The following BSN variants were observed in gnomAD, a reference collection of about 807,000 sequenced individuals.
The protein encoded by BSN is protein bassoon.
BSN carries 57 observed loss-of-function variants against 264.8 expected under a neutral mutation model. The ratio of observed to expected loss-of-function variants is 0.22; its 90% CI spans 0.17 to 0.27. The LOEUF is 0.27. Among genes scored for constraint, BSN ranks in the 10% least tolerant of loss-of-function variants. The probability of loss-of-function intolerance (pLI) is 1.00; values close to 1 mark genes in which losing one functional copy is unlikely to be tolerated. For synonymous variants in BSN, 2,059 were observed against 2,137.3 expected, an observed-to-expected ratio of 0.96 and a Z score of 1.01; for missense variants, 4,615 against 5,232.5, an observed-to-expected ratio of 0.88 and a Z score of 3.64.
At chr3:49,626,489 C>T (rs2052341980) in intron 2 of BSN, among the ~76,000 whole-genome samples, 2 of 152,138 alleles carry the variant, frequency 1.3e-5, no homozygotes, top group African/African-American at 4.8e-5. Context: ...GGAGATGACT[C>T]AGTGCCTTTG....
Position 49,655,075 on chromosome 3 carries a change from A to C in BSN, c.5519A>C (p.Glu1840Ala). 1 of 1,612,970 alleles carries C rather than the reference A, an allele frequency of 6.2e-7. No individual in the cohort carries two copies. The highest frequency in any genetic ancestry group is 8.5e-7 in the Non-Finnish European group (1 of 1,180,022). Residue 1840 changes from glutamate (E) to alanine (A), a missense_variant, in exon 5 of 12, where the codon GAG becomes GCG. Around this residue, in one of 3 missense-constraint regions of BSN, gnomAD observed 3,415 missense variants for 3,866.4 expected, o/e 0.88. Coordinates refer to ENST00000296452, the MANE Select transcript of BSN (RefSeq NM_003458.4). ...KPGPVPEPGA[E>A]PHRATPAELR... ...GGCCCAGTGCCAGAGCCAGGTGCCG[A>C]GCCCCACCGGGCCACCCCTGCAGAG... is the stretch of plus-strand genomic sequence containing the variant.
chr3:49,652,486 G>T lies in BSN; in HGVS notation c.2930G>T (p.Gly977Val), dbSNP rs775807587. The T allele has an allele frequency of 3.1e-6, 5 of 1,613,710 alleles. No individual in the cohort carries two copies. Among genetic ancestry groups the T allele is most frequent in the Admixed American group, 1.7e-5 (1 of 60,016 alleles). Residue 977 changes from glycine to valine, a missense_variant, in exon 5 of 12, where the codon GGT becomes GTT. Physicochemically the swap from Gly to Val is moderately radical, Grantham distance 109. Transcript: ENST00000296452. ...GGCTCCCCTGAGGACCGCTCCCGTG[G>T]TGAGCACTCCTCTACATTGCCTGCC... Reference protein sequence around the residue: ...LTGSPEDRSRGEHSSTLPAST... With the variant: ...LTGSPEDRSRVEHSSTLPAST...
Position 49,662,092 on chromosome 3 carries a change from T to C in BSN, c.10247T>C (p.Val3416Ala). Residue 3416 changes from valine (V) to alanine (A), a missense_variant, in exon 6 of 12, where the codon GTG becomes GCG. Around this residue, in one of 3 missense-constraint regions of BSN, gnomAD observed 3,415 missense variants for 3,866.4 expected, o/e 0.88. Transcript: ENST00000296452. The part of the protein sequence containing the change: ...DEITYGLKKN[V>A]YEQQKYYGMS... Reference sequence around the variant, plus strand: ...ATCACCTATGGGCTCAAGAAGAACGTGTATGAGCAGCAAAAATACTATGGG... The same window carrying C: ...ATCACCTATGGGCTCAAGAAGAACGCGTATGAGCAGCAAAAATACTATGGG... 1 of 1,613,468 alleles carries C rather than the reference T, an allele frequency of 6.2e-7. No individual in the cohort carries two copies. Among genetic ancestry groups the C allele is most frequent in the Non-Finnish European group, 8.5e-7 (1 of 1,180,030 alleles).
rs547338350 is a variant in BSN at position 49,662,389 on chromosome 3, G to A, written c.10544G>A (p.Arg3515His). 4.2e-5 allele frequency: 68 copies of A among 1,613,494 alleles called. No homozygotes were observed. In the Admixed American group the frequency reaches 5.3e-4, roughly 13 times the overall value. ...ESPVSPLGRP[R>H]PAGGPLPPGG... ...CCCGTCAGTCCTTTGGGGAGGCCCCGCCCTGCCGGAGGGCCCCTCCCTCCC... is the reference window on the plus strand; with the variant it reads ...CCCGTCAGTCCTTTGGGGAGGCCCCACCCTGCCGGAGGGCCCCTCCCTCCC... The change falls in exon 6 of 12, where the codon CGC (arginine) becomes CAC (histidine). Residue 3515 changes from arginine (R) to histidine (H), a missense_variant. By Grantham distance (29) the Arg-to-His change is conservative (BLOSUM62 0). Coordinates refer to ENST00000296452, the MANE Select transcript of BSN (RefSeq NM_003458.4).
At chr3:49,640,168 T>G (rs1186392171) in intron 2 of BSN, among the ~76,000 whole-genome samples, 1 of 152,244 alleles carries the variant, frequency 6.6e-6, no homozygotes, top group African/African-American at 2.4e-5. Flanking sequence ...GAGAACAACC[T>G]TGGCCTCCAG....
At chr3:49,591,192 T>A (rs1359125136) in intron 1 of BSN, among the ~76,000 whole-genome samples, 4 of 152,220 alleles carry the variant, frequency 2.6e-5, no homozygotes, top group Non-Finnish European at 5.9e-5. Flanking sequence ...TACTATCTGA[T>A]CATTTCCTTA....
intron 11 of BSN, among the ~76,000 whole-genome samples, chr3:49,666,984 G>T (rs566857724): frequency 3.3e-5 from 5 of 152,322 alleles, no homozygotes; most frequent in African/African-American, 1.2e-4. Flanking sequence ...GCTGAAAGTG[G>T]GGGAAGGAGG....
intron 5 of BSN, 148 bp downstream of exon 5, chr3:49,658,344 C>A: frequency 1.0e-6 from 1 of 997,516 alleles, no homozygotes; most frequent in Non-Finnish European, 1.4e-6. Flanking sequence ...CAGATGCTCC[C>A]TGGTGCACAT....
rs773559350 is a variant in BSN, at chr3:49,663,055, G to A, written c.10897G>A (p.Glu3633Lys). ...PPEEGLWPHDEGGPGRHASAK... is the reference protein window; with the variant it reads ...PPEEGLWPHDKGGPGRHASAK... ...TGAGGAGGGCCTGTGGCCTCATGATGAGGGTGGCCCAGGCCGCCATGCCTC... is the reference window on the plus strand; with the variant it reads ...TGAGGAGGGCCTGTGGCCTCATGATAAGGGTGGCCCAGGCCGCCATGCCTC... The change falls in exon 7 of 12, where the codon GAG becomes AAG. Residue 3633 changes from glutamate (E) to lysine (K), a missense_variant. By Grantham distance (56) the Glu-to-Lys change is moderately conservative. Around this residue, in one of 3 missense-constraint regions of BSN, gnomAD observed 3,415 missense variants for 3,866.4 expected, o/e 0.88. Transcript: ENST00000296452. 1.9e-6 allele frequency: 3 copies of A among 1,613,238 alleles called. No homozygotes were observed. Among genetic ancestry groups the A allele is most frequent in the Admixed American group, 3.3e-5 (2 of 59,998 alleles).
In BSN at chr3:49,642,013, A is replaced by G. The variant is rs2052467917; in HGVS notation, c.634-255A>G. Among the ~76,000 whole-genome samples, 1 of 135,408 alleles carries G rather than the reference A, an allele frequency of 7.4e-6. No individual in the cohort carries two copies. Among genetic ancestry groups the G allele is most frequent in the Admixed American group, 7.3e-5 (1 of 13,654 alleles). The allele number at this position is 135,408 out of a possible 152,430, so 88.8% of individuals were successfully genotyped here. ...TCTCAAGCAGGAGGGTCTGGCAGGC[A>G]GTGAGTTGGTGGTTGGGGTGGGGTG... is the stretch of plus-strand genomic sequence containing the variant. On this transcript the variant is annotated intron_variant, in intron 2 of 11. Coordinates refer to ENST00000296452, the MANE Select transcript of BSN (RefSeq NM_003458.4). This position sits in a 1 kb window ranked among gnomAD's most constrained non-coding sequence, Gnocchi z 7.0.
intron 1 of BSN, among the ~76,000 whole-genome samples, chr3:49,591,724 G>A (rs1189605207): frequency 6.6e-6 from 1 of 152,020 alleles, no homozygotes; most frequent in Non-Finnish European, 1.5e-5. Flanking sequence ...GAGTAGCTGG[G>A]ACTACAGATG....
chr3:49,609,453 A>G (rs1469587442), intron 1 of BSN, among the ~76,000 whole-genome samples: 1 of 152,062 alleles, frequency 6.6e-6, no homozygotes, highest in Non-Finnish European at 1.5e-5. Context: ...ATAGAGCATG[A>G]GCTGTTAGAA....
In BSN at chr3:49,664,530, G is replaced by A. The variant is rs918064996; in HGVS notation, c.11716G>A (p.Glu3906Lys). ...FSKILPGGAA[E>K]QAGKLTEAVS... The stretch of plus-strand genomic sequence containing the variant: ...CAAGATCCTCCCTGGCGGGGCAGCC[G>A]AGCAAGCTGGCAAACTGACGGAAGG... The change falls in exon 9 of 12, where the codon GAG (glutamate) becomes AAG (lysine). Residue 3906 changes from glutamate (E) to lysine (K), a missense_variant. This residue lies in a region of BSN where 3,415 missense variants were observed against 3,866.4 expected (regional missense o/e 0.88). Transcript: ENST00000296452. 2.3e-5 allele frequency: 37 copies of A among 1,608,700 alleles called. No individual in the cohort carries two copies. The highest frequency in any genetic ancestry group is 3.1e-5 in the Non-Finnish European group (36 of 1,177,692).
At chr3:49,631,250 T>A (rs1189528465) in intron 2 of BSN, among the ~76,000 whole-genome samples, 1 of 151,666 alleles carries the variant, frequency 6.6e-6, no homozygotes, top group Non-Finnish European at 1.5e-5. Context: ...GTTGGTACGA[T>A]GCTGAGACAA....
chr3:49,643,090 A>G lies in BSN; in HGVS notation c.1456A>G (p.Thr486Ala). 1.2e-6 allele frequency: 2 copies of G among 1,613,792 alleles called. 1 individual carries two copies. The highest frequency in any genetic ancestry group is 2.2e-5 in the South Asian group (2 of 91,082). ...GAGCCCAGCCAACTATAACACATGC[A>G]CCACCTGCAGGCTCCAGGTGTGCAA... The part of the protein sequence containing the change: ...SKSPANYNTC[T>A]TCRLQVCNLC... The change falls in exon 3 of 12, where the codon ACC (threonine) becomes GCC (alanine). Residue 486 changes from threonine (T) to alanine (A), a missense_variant. By Grantham distance (58) the Thr-to-Ala change is moderately conservative (BLOSUM62 0). Transcript: ENST00000296452.
Position 49,606,002 on chromosome 3 carries a change from A to C in BSN, c.225-18973A>C, listed in dbSNP as rs1292749805. Among the ~76,000 whole-genome samples the C allele has an allele frequency of 4.3e-5, 4 of 92,806 alleles. No individual in the cohort carries two copies. The East Asian group carries it at 1.0e-3, about 23-fold the overall frequency. The allele number at this position is 92,806 out of a possible 152,430, so 60.9% of individuals were successfully genotyped here. On this transcript the variant is annotated intron_variant, in intron 1 of 11. Transcript: ENST00000296452. ...TTATATAAATAAAAAATATATATTT[A>C]TATATACATAGAAATATATATTTAT... is the stretch of plus-strand genomic sequence containing the variant.
chr3:49,621,785 C>A (rs181935707), intron 1 of BSN, among the ~76,000 whole-genome samples: 25 of 152,082 alleles, frequency 1.6e-4, no homozygotes, highest in Admixed American at 2.6e-4. Context: ...CAGCGTCGTC[C>A]TAGCTTACCG....
At chr3:49,588,698 G>A (rs1006759609) in intron 1 of BSN, among the ~76,000 whole-genome samples, 13 of 152,008 alleles carry the variant, frequency 8.6e-5, no homozygotes, top group Admixed American at 7.2e-4. Context: ...GAGTTATTTA[G>A]GAATGTGTTG....
In BSN at chr3:49,656,102, G is replaced by A. The variant is rs141750977; in HGVS notation, c.6546G>A (p.Pro2182=). Residue 2182 remains proline (P), a synonymous_variant, in exon 5 of 12, where the codon CCG becomes CCA. Coordinates refer to ENST00000296452, the MANE Select transcript of BSN (RefSeq NM_003458.4). ...GAACAGCAGTCAGACAGCTGCTGCC[G>A]TCCACAGCCACTGTACGTGCAGCTG... The part of the protein sequence containing the change: ...GQGTAVRQLL[P]STATVRAADG... 167 of 1,612,306 alleles carry A rather than the reference G, an allele frequency of 1.0e-4. No homozygotes were observed. Among genetic ancestry groups the A allele is most frequent in the Admixed American group, 1.8e-4 (11 of 60,004 alleles).
Sources: allele counts gnomAD v4.1 joint callset (sites outside exome capture counted in the v4.1 genomes callset), GRCh38; gene constraint gnomAD v4.1.1; regional missense constraint gnomAD v4.1.1; non-coding constraint Gnocchi (gnomAD v3.1); transcripts MANE v1.5; gene names NCBI Gene and HGNC (gene_info 2026-07-23, HGNC 2026-07-21).